The following CCDC141 variants were observed in gnomAD, a reference collection of about 807,000 sequenced individuals.
The protein encoded by CCDC141 is coiled-coil domain-containing protein 141.
A neutral mutation model predicts 181.0 loss-of-function variants in CCDC141; 168 were observed. The ratio of observed to expected loss-of-function variants is 0.93; its 90% CI spans 0.82 to 1.05. The LOEUF (loss-of-function observed/expected upper bound fraction) is 1.05, where lower values mean the gene tolerates loss of function less well. CCDC141 is among the 50% of genes least tolerant of loss of function. The pLI is 0.00. For synonymous variants in CCDC141, 666 were observed against 642.3 expected (o/e 1.04, Z -0.56); for missense variants, 1,902 against 1,788.5 (o/e 1.06, Z -1.14).
At chr2:178,889,184 A>C (rs1303425678) in intron 8 of CCDC141, among the ~76,000 whole-genome samples, 3 of 144,376 alleles carry the variant, frequency 2.1e-5, no homozygotes, top group Non-Finnish European at 3.0e-5. Context: ...ATCACCAACA[A>C]TTAGAAATCA....
intron 2 of CCDC141, among the ~76,000 whole-genome samples, chr2:178,995,371 A>G (rs1692239298): frequency 6.6e-6 from 1 of 152,110 alleles, no homozygotes; most frequent in Non-Finnish European, 1.5e-5. Context: ...ATCTCATAAG[A>G]CTTATTCACT....
At chr2:178,835,384 T>TTCGA (rs1292526134) in intron 23 of CCDC141, among the ~76,000 whole-genome samples, 3 of 152,200 alleles carry the variant, frequency 2.0e-5, no homozygotes, top group African/African-American at 7.2e-5. Flanking sequence ...AGAAGGTTCC[T>TTCGA]ATGAACATGA....
intron 2 of CCDC141, among the ~76,000 whole-genome samples, chr2:178,984,857 A>G (rs1019637345): frequency 9.2e-5 from 14 of 151,990 alleles, no homozygotes; most frequent in Non-Finnish European, 1.8e-4. Flanking sequence ...ACTCCCACAC[A>G]TTAATAATGG....
intron 6 of CCDC141, among the ~76,000 whole-genome samples, chr2:178,940,007 C>A (rs1689443920): frequency 1.3e-5 from 2 of 151,920 alleles, no homozygotes; most frequent in South Asian, 4.2e-4. Context: ...CTGGACAGAC[C>A]AAAAATTTAA....
At chr2:178,901,045 G>A (rs1445673082) in intron 8 of CCDC141, among the ~76,000 whole-genome samples, 4 of 152,130 alleles carry the variant, frequency 2.6e-5, no homozygotes, top group Non-Finnish European at 4.4e-5. Flanking sequence ...ACAGGAACCA[G>A]GCTTTGGGTC....
chr2:178,893,277 C>A (rs1687243599), intron 8 of CCDC141, among the ~76,000 whole-genome samples: 1 of 150,562 alleles, frequency 6.6e-6, no homozygotes, highest in Non-Finnish European at 1.5e-5. Context: ...CAAGAATAGA[C>A]TGCTCTATTT....
chr2:178,983,168 A>G (rs938739587), intron 2 of CCDC141, among the ~76,000 whole-genome samples: 6 of 152,142 alleles, frequency 3.9e-5, no homozygotes, highest in Non-Finnish European at 5.9e-5. Context: ...CTGACCCCCG[A>G]CCAGCCTAAC....
At chr2:178,957,772 ACT>A (rs1282713447) in intron 5 of CCDC141, among the ~76,000 whole-genome samples, 1 of 152,048 alleles carries the variant, frequency 6.6e-6, no homozygotes, top group Non-Finnish European at 1.5e-5. Context: ...TGTCACCCAG[ACT>A]GGAGTGTAGT....
At chr2:178,828,534 G>C (rs1684158351), downstream of CCDC141, among the ~76,000 whole-genome samples, 1 of 152,120 alleles carries the variant, frequency 6.6e-6, no homozygotes, top group South Asian at 2.1e-4. Flanking sequence ...ATTTTAAAAG[G>C]CACCTTCTGG....
At chr2:179,041,214 C>T (rs1272298876) in intron 2 of CCDC141, among the ~76,000 whole-genome samples, 3 of 152,162 alleles carry the variant, frequency 2.0e-5, no homozygotes, top group African/African-American at 7.2e-5. Context: ...CCTCAGCCTC[C>T]AGAGTAGCTG....
intron 18 of CCDC141, among the ~76,000 whole-genome samples, chr2:178,855,791 T>A (rs1285378218): frequency 6.6e-6 from 1 of 152,236 alleles, no homozygotes; most frequent in Non-Finnish European, 1.5e-5. Context: ...TGATCTTTTT[T>A]AAAGACATTG....
chr2:178,975,223 T>C lies in CCDC141; in HGVS notation c.418-58A>G. On this transcript the variant is annotated intron_variant, in intron 3 of 23. Coordinates refer to ENST00000443758, the MANE Select transcript of CCDC141 (RefSeq NM_173648.4). Reference sequence around the variant, plus strand: ...CATTTGTATAAAAATTAACGTGCCATTGTTAGTTACCTGGAGATGTTTTTC... The same window carrying C: ...CATTTGTATAAAAATTAACGTGCCACTGTTAGTTACCTGGAGATGTTTTTC... 4 of 884,920 alleles carry C rather than the reference T, an allele frequency of 4.5e-6. No individual in the cohort carries two copies. The South Asian group carries it at 5.4e-5, about 12-fold the overall frequency. 54.8% of individuals were successfully genotyped at this position (884,920 alleles called of 1,614,324 possible). A position where few individuals can be genotyped will look rare whatever the true frequency, so the allele number is the denominator to read the frequency against.
intron 7 of CCDC141, among the ~76,000 whole-genome samples, chr2:178,912,915 T>C (rs1008308102): frequency 8.5e-5 from 13 of 152,316 alleles, no homozygotes; most frequent in South Asian, 8.3e-4. Context: ...TTCAAACTTA[T>C]CTCAGTGATC....
intron 2 of CCDC141, among the ~76,000 whole-genome samples, chr2:179,026,913 T>G (rs907206769): frequency 2.6e-5 from 4 of 152,254 alleles, no homozygotes; most frequent in African/African-American, 9.6e-5. Context: ...ATGGGGCCTA[T>G]AGCCCCTTTG....
chr2:179,044,540 G>C (rs7597990), intron 2 of CCDC141, among the ~76,000 whole-genome samples: 6,738 of 152,266 alleles, frequency 0.044, 162 homozygotes, highest in African/African-American at 0.062. Context: ...GGATGGAGTA[G>C]GGATGAAGGG....
intron 5 of CCDC141, among the ~76,000 whole-genome samples, chr2:178,950,547 T>A (rs1162907866): frequency 6.6e-6 from 1 of 152,226 alleles, no homozygotes; most frequent in African/African-American, 2.4e-5. Context: ...AAAAAACAAT[T>A]ACTGCCAAAA....
At chr2:178,995,736 A>G (rs1428550527) in intron 2 of CCDC141, among the ~76,000 whole-genome samples, 1 of 152,308 alleles carries the variant, frequency 6.6e-6, no homozygotes, top group East Asian at 1.9e-4. Flanking sequence ...TCTCTTTGCT[A>G]TTTAGAATAA....
At chr2:178,894,317 C>A (rs1043257576) in intron 8 of CCDC141, among the ~76,000 whole-genome samples, 24 of 150,942 alleles carry the variant, frequency 1.6e-4, no homozygotes, top group African/African-American at 5.8e-4. Flanking sequence ...GAGAAGCAAG[C>A]AAGCAAAAGA....
chr2:179,010,656 C>A (rs2042241564), intron 2 of CCDC141, among the ~76,000 whole-genome samples: 1 of 152,126 alleles, frequency 6.6e-6, no homozygotes, highest in African/African-American at 2.4e-5. Context: ...AGCTCTAAAT[C>A]TTGAAACAAA....
Sources: gnomAD v4.1 joint callset for allele counts (sites outside exome capture counted in the v4.1 genomes callset) on GRCh38, gnomAD v4.1.1 for gene constraint, MANE v1.5 for transcripts, NCBI Gene and HGNC (gene_info 2026-07-23, HGNC 2026-07-21) for gene names.